Variants in RALGPS1 observed in about 807,000 individuals in gnomAD.
RALGPS1 encodes Ral GEF with PH domain and SH3 binding motif 1, also known as ras-specific guanine nucleotide-releasing factor RalGPS1.
A neutral mutation model predicts 78.8 loss-of-function variants in RALGPS1; 19 were observed. The ratio of observed to expected loss-of-function variants is 0.24; its 90% CI spans 0.17 to 0.35. The LOEUF (loss-of-function observed/expected upper bound fraction) is 0.35, where lower values mean the gene tolerates loss of function less well. RALGPS1 is among the 10% of genes least tolerant of loss of function. RALGPS1 has a pLI of 1.00. For synonymous variants in RALGPS1, 228 were observed against 256.3 expected (o/e 0.89, Z 1.06); for missense variants, 454 against 688.3 (o/e 0.66, Z 3.81).
chr9:127,061,696 C>A (rs187711145), intron 7 of RALGPS1, among the ~76,000 whole-genome samples: 1 of 152,308 alleles, frequency 6.6e-6, no homozygotes, highest in Non-Finnish European at 1.5e-5. Flanking sequence ...GTTTTCAGGA[C>A]TACCTCTTCC....
chr9:126,967,302 G>A lies in RALGPS1; in HGVS notation c.165+1351G>A, dbSNP rs2039605764. Among the ~76,000 whole-genome samples the A allele has an allele frequency of 2.6e-5, 4 of 152,068 alleles. No individual in the cohort carries two copies. The East Asian group carries it at 7.7e-4, about 29-fold the overall frequency. ...ATGGTCTGGCTAAGCCTCCTCTTCT[G>A]CCCCCACCTCTGTGCTCTCCCACTG... On this transcript the variant is annotated intron_variant, in intron 3 of 18. Transcript: ENST00000259351.
intron 8 of RALGPS1, among the ~76,000 whole-genome samples, chr9:127,081,828 A>T (rs1438826627): frequency 6.6e-6 from 1 of 152,224 alleles, no homozygotes; most frequent in Non-Finnish European, 1.5e-5. Flanking sequence ...CAAGCACAGC[A>T]TGGGACAGGC....
intron 1 of RALGPS1, among the ~76,000 whole-genome samples, chr9:126,923,940 G>T (rs1399567463): frequency 6.6e-6 from 1 of 152,192 alleles, no homozygotes; most frequent in East Asian, 1.9e-4. Context: ...TGTATCTCTG[G>T]CTATATCTGC....
intron 7 of RALGPS1, among the ~76,000 whole-genome samples, chr9:127,060,038 A>C (rs1368149441): frequency 6.6e-6 from 1 of 152,214 alleles, no homozygotes; most frequent in Non-Finnish European, 1.5e-5. Context: ...GAGTCAAAAC[A>C]GTGAGCAGAG....
intron 14 of RALGPS1, chr9:127,210,812 A>T: frequency 3.3e-6 from 5 of 1,517,338 alleles, no homozygotes; most frequent in Non-Finnish European, 4.5e-6. Context: ...TTTGTTTGAC[A>T]CATAGCTTGT....
At chr9:126,931,120 G>A (rs1361766238) in intron 1 of RALGPS1, among the ~76,000 whole-genome samples, 1 of 152,194 alleles carries the variant, frequency 6.6e-6, no homozygotes, top group Non-Finnish European at 1.5e-5. Context: ...AAATGGCTGC[G>A]AGAGCTCTAG....
At chr9:127,161,459 T>C (rs1023116509) in intron 8 of RALGPS1, among the ~76,000 whole-genome samples, 17 of 151,980 alleles carry the variant, frequency 1.1e-4, no homozygotes, top group African/African-American at 4.1e-4. Flanking sequence ...GGGTTCCGAG[T>C]CTCCTGGATC....
At position 126,941,165 on chromosome 9, in the gene RALGPS1, G is replaced by T. The variant is rs376143157; in HGVS notation, c.-65-21060G>T. 2.8e-3 allele frequency among the ~76,000 whole-genome samples: 406 copies of T among 142,672 alleles called. 1 individual carries two copies. Among genetic ancestry groups the T allele is most frequent in the African/African-American group, 9.6e-3 (394 of 40,938 alleles). 93.6% of individuals were successfully genotyped at this position (142,672 alleles called of 152,430 possible). A position where few individuals can be genotyped will look rare whatever the true frequency, so the allele number is the denominator to read the frequency against. On this transcript the variant is annotated intron_variant, in intron 1 of 18. Transcript: ENST00000259351. ...TTTAAAATTATGACTTCGTCTAGTT[G>T]TGGGGGGGGGTTGTTGGGGAAGGAG...
intron 8 of RALGPS1, among the ~76,000 whole-genome samples, chr9:127,130,065 G>A (rs534554625): frequency 2.0e-5 from 3 of 152,296 alleles, no homozygotes; most frequent in African/African-American, 4.8e-5. Context: ...GTGAGGACAC[G>A]TGTGTCACCA....
At chr9:127,182,115 A>G (rs1008443848) in intron 11 of RALGPS1, among the ~76,000 whole-genome samples, 3 of 151,428 alleles carry the variant, frequency 2.0e-5, no homozygotes, top group African/African-American at 7.3e-5. Flanking sequence ...AGGCAGGCAG[A>G]TGGCTTGAGC....
At chr9:126,942,549 T>C (rs2036885300) in intron 1 of RALGPS1, among the ~76,000 whole-genome samples, 1 of 152,250 alleles carries the variant, frequency 6.6e-6, no homozygotes. Context: ...TCCTGTGTTC[T>C]GGACTGTGTC....
At chr9:127,045,762 TACACAC>T (rs59773981) in intron 5 of RALGPS1, among the ~76,000 whole-genome samples, 43,846 of 136,942 alleles carry the variant, frequency 0.32, 7,340 homozygotes, top group Non-Finnish European at 0.38. Context: ...CACACACACA[TACACAC>T]ACACACACAC....
chr9:127,172,220 C>T (rs1430234781), intron 10 of RALGPS1, among the ~76,000 whole-genome samples: 1 of 152,232 alleles, frequency 6.6e-6, no homozygotes, highest in Admixed American at 6.5e-5. Context: ...GGACTAGACC[C>T]GGCCTTGCTG....
chr9:126,969,650 G>T (rs1444203253), intron 3 of RALGPS1, among the ~76,000 whole-genome samples: 1 of 152,194 alleles, frequency 6.6e-6, no homozygotes. Flanking sequence ...CATGAAAGAA[G>T]CAATAACGAG....
At chr9:127,088,972 C>T (rs1461765190) in intron 8 of RALGPS1, 2 of 1,614,230 alleles carry the variant, frequency 1.2e-6, no homozygotes, top group Non-Finnish European at 8.5e-7. Context: ...GTCGGATCAT[C>T]ATCACCACTT....
chr9:126,936,502 C>T (rs545814982), intron 1 of RALGPS1, among the ~76,000 whole-genome samples: 2 of 151,568 alleles, frequency 1.3e-5, no homozygotes, highest in South Asian at 4.2e-4. Context: ...ATGTGAGGTA[C>T]TTAGAGGCAG....
chr9:127,026,222 A>G (rs1325963062), intron 4 of RALGPS1, among the ~76,000 whole-genome samples: 2 of 152,190 alleles, frequency 1.3e-5, no homozygotes, highest in East Asian at 3.9e-4. Context: ...CATGGGAGAA[A>G]GATGTAGGCT....
chr9:127,094,099 A>G (rs1237197521), intron 8 of RALGPS1, among the ~76,000 whole-genome samples: 3 of 152,178 alleles, frequency 2.0e-5, no homozygotes, highest in Admixed American at 6.5e-5. Flanking sequence ...TATAAAGACA[A>G]GAGCCTCGGA....
rs543972542 is a variant in RALGPS1, at chr9:127,028,505, C to T, written c.217-5926C>T. Among the ~76,000 whole-genome samples, 64 of 152,308 alleles carry T rather than the reference C, an allele frequency of 4.2e-4. 1 individual carries two copies. Among genetic ancestry groups the T allele is most frequent in the Non-Finnish European group, 7.4e-4 (50 of 68,018 alleles). The stretch of plus-strand genomic sequence containing the variant: ...CAACGTAGGTGCTCAATAAATCTTG[C>T]TGGTGCTTCCCTTTGGCTGGGCCTT... On this transcript the variant is annotated intron_variant, in intron 4 of 18. Coordinates refer to ENST00000259351, the MANE Select transcript of RALGPS1 (RefSeq NM_014636.3).
Sources: allele counts gnomAD v4.1 joint callset (sites outside exome capture counted in the v4.1 genomes callset), GRCh38; gene constraint gnomAD v4.1.1; transcripts MANE v1.5; gene names NCBI Gene and HGNC (gene_info 2026-07-23, HGNC 2026-07-21).